POTED: variants seen among roughly 807,000 people sequenced by gnomAD.
The protein encoded by POTED is POTE ankyrin domain family member D.
Under a neutral mutation model 19.0 loss-of-function variants are expected in POTED, and 7 were observed. The observed-to-expected ratio is 0.37, with a 90% CI of 0.21 to 0.69. The LOEUF (loss-of-function observed/expected upper bound fraction) is 0.69, where lower values mean the gene tolerates loss of function less well. POTED is among the 30% of genes least tolerant of loss of function. The pLI is 0.56. For synonymous variants in POTED, 16 were observed against 92.0 expected, an observed-to-expected ratio of 0.17 and a Z score of 4.73; for missense variants, 54 against 278.5, an observed-to-expected ratio of 0.19 and a Z score of 5.74.
chr21:13,619,386 A>T (rs1323748695), intron 4 of POTED, among the ~76,000 whole-genome samples: 1 of 77,034 alleles, frequency 1.3e-5, no homozygotes, highest in Non-Finnish European at 2.3e-5. Context: ...AACCTGCACA[A>T]TGTGCACATG....
In POTED at chr21:13,614,431, AG is replaced by A. The variant is rs1186578454; in HGVS notation, c.522-690del. On this transcript the variant is annotated intron_variant, in intron 1 of 10. Coordinates refer to ENST00000299443, the MANE Select transcript of POTED (RefSeq NM_174981.6). Reference sequence around the variant, plus strand: ...ATTATAACATATTCTACTTAGTATAAGGCACCAGGGATTGTATGATGCCCCA... The same window carrying A: ...ATTATAACATATTCTACTTAGTATAAGCACCAGGGATTGTATGATGCCCCA... 5.0e-5 allele frequency among the ~76,000 whole-genome samples: 4 copies of A among 79,792 alleles called. 2 individuals are homozygous for A. The East Asian group carries it at 3.0e-3, about 60-fold the overall frequency. 52.3% of individuals were successfully genotyped at this position (79,792 alleles called of 152,430 possible). A position where few individuals can be genotyped will look rare whatever the true frequency, so the allele number is the denominator to read the frequency against.
chr21:13,637,291 G>T lies in POTED; in HGVS notation c.1410-2224G>T, dbSNP rs1443520291. Reference sequence around the variant, plus strand: ...CACCACATCCACACCAACATCTGCTGTTTTTTTTATTTTAGTAGTGACCAT... The same window carrying T: ...CACCACATCCACACCAACATCTGCTTTTTTTTTTATTTTAGTAGTGACCAT... On this transcript the variant is annotated intron_variant, in intron 9 of 10. Coordinates refer to ENST00000299443, the MANE Select transcript of POTED (RefSeq NM_174981.6). Among the ~76,000 whole-genome samples, 7 of 71,868 alleles carry T rather than the reference G, an allele frequency of 9.7e-5. 3 individuals carry two copies. Among genetic ancestry groups the T allele is most frequent in the African/African-American group, 7.9e-4 (7 of 8,846 alleles). 47.1% of individuals were successfully genotyped at this position (71,868 alleles called of 152,430 possible).
intron 1 of POTED, among the ~76,000 whole-genome samples, chr21:13,612,777 G>A (rs1191461292): frequency 2.5e-5 from 2 of 81,592 alleles, no homozygotes; most frequent in Non-Finnish European, 4.3e-5. Context: ...ACAAATTTCA[G>A]TGCATCCATA....
At chr21:13,623,742 A>G (rs1467172955) in intron 6 of POTED, among the ~76,000 whole-genome samples, 1 of 23,450 alleles carries the variant, frequency 4.3e-5, no homozygotes, top group Admixed American at 4.7e-4. Context: ...AGCAGATTAT[A>G]ATAAAAGTAG....
Position 13,645,183 on chromosome 21 carries a change from C to T in POTED, c.*3617C>T, listed in dbSNP as rs887023714. Reference sequence around the variant, plus strand: ...GGAAAACACATTTCAGAATATCATTCATGAGAATGTCCCCAACCTAGCCAG... The same window carrying T: ...GGAAAACACATTTCAGAATATCATTTATGAGAATGTCCCCAACCTAGCCAG... On this transcript the variant is annotated 3_prime_UTR_variant, in exon 11 of 11. Coordinates refer to ENST00000299443, the MANE Select transcript of POTED (RefSeq NM_174981.6). 9.8e-5 allele frequency among the ~76,000 whole-genome samples: 13 copies of T among 132,860 alleles called. 1 individual carries two copies. The highest frequency in any genetic ancestry group is 4.4e-4 in the Admixed American group (6 of 13,714). The allele number at this position is 132,860 out of a possible 152,430, so 87.2% of individuals were successfully genotyped here. A position where few individuals can be genotyped will look rare whatever the true frequency, so the allele number is the denominator to read the frequency against.
chr21:13,633,635 C>A, intron 9 of POTED, among the ~76,000 whole-genome samples: 1 of 73,858 alleles, frequency 1.4e-5, no homozygotes, highest in Non-Finnish European at 2.3e-5. Context: ...CAGAGTTTTG[C>A]TCTGTCACCC....
chr21:13,610,926 AGT>A (rs1323356319), intron 1 of POTED, among the ~76,000 whole-genome samples, 177 bp downstream of exon 1: 2 of 81,056 alleles, frequency 2.5e-5, no homozygotes, highest in Non-Finnish European at 4.4e-5. Flanking sequence ...CGACACAAAA[AGT>A]TTTAGCTGAT....
At chr21:13,616,130 TGAA>T in intron 3 of POTED, among the ~76,000 whole-genome samples, 1 of 74,860 alleles carries the variant, frequency 1.3e-5, no homozygotes, top group South Asian at 4.3e-4. Context: ...GAAAAGACCA[TGAA>T]GAGGTTGTGT....
chr21:13,626,239 A>T lies in POTED; in HGVS notation c.1127-2143A>T. Among the ~76,000 whole-genome samples the T allele has an allele frequency of 2.6e-5, 2 of 76,260 alleles. 1 individual carries two copies. 50.0% of individuals were successfully genotyped at this position (76,260 alleles called of 152,430 possible). On this transcript the variant is annotated intron_variant, in intron 6 of 10. Transcript: ENST00000299443. ...ATCTAAATATTGCTGACTCAAACACAGTGTGTTTTTTTTGCTTTATTGTCA... is the reference window on the plus strand; with the variant it reads ...ATCTAAATATTGCTGACTCAAACACTGTGTGTTTTTTTTGCTTTATTGTCA...
In POTED at chr21:13,610,513, G is replaced by T. The variant is rs768536101; in HGVS notation, c.285G>T (p.Arg95Ser). Reference sequence around the variant, plus strand: ...AAAACTCCTTTATGAAGATGCTCAGGAGCAAGATGGGCAAGTGGTGCTGTC... The same window carrying T: ...AAAACTCCTTTATGAAGATGCTCAGTAGCAAGATGGGCAAGTGGTGCTGTC... ...DHENSFMKML[R>S]SKMGKWCCHC... Residue 95 changes from arginine to serine, a missense_variant, in exon 1 of 11, where the codon AGG becomes AGT. This residue lies in a region of POTED where 38 missense variants were observed against 163.8 expected (regional missense o/e 0.23). Transcript: ENST00000299443. 2.8e-6 allele frequency: 3 copies of T among 1,067,078 alleles called. 1 individual carries two copies. Among genetic ancestry groups the T allele is most frequent in the African/African-American group, 1.1e-4 (2 of 17,930 alleles). The allele number at this position is 1,067,078 out of a possible 1,614,324, so 66.1% of individuals were successfully genotyped here.
Position 13,642,516 on chromosome 21 carries a change from C to T in POTED, c.*950C>T, listed in dbSNP as rs1274298360. On this transcript the variant is annotated 3_prime_UTR_variant, in exon 11 of 11. Transcript: ENST00000299443. Reference sequence around the variant, plus strand: ...TAGAGTTTCAGAGTGTCTGAGGAGACCAGGGGCTGAAGTGAACCCCCCGCA... The same window carrying T: ...TAGAGTTTCAGAGTGTCTGAGGAGATCAGGGGCTGAAGTGAACCCCCCGCA... 3.8e-5 allele frequency among the ~76,000 whole-genome samples: 3 copies of T among 79,164 alleles called. 1 individual carries two copies. The highest frequency in any genetic ancestry group is 6.7e-5 in the Non-Finnish European group (3 of 44,768). 51.9% of individuals were successfully genotyped at this position (79,164 alleles called of 152,430 possible).
rs2011281397 is a variant in POTED, at chr21:13,642,581, T to A, written c.*1015T>A. Among the ~76,000 whole-genome samples, 1 of 75,724 alleles carries A rather than the reference T, an allele frequency of 1.3e-5. No individual in the cohort carries two copies. The highest frequency in any genetic ancestry group is 2.3e-5 in the Non-Finnish European group (1 of 43,392). The allele number at this position is 75,724 out of a possible 152,430, so 49.7% of individuals were successfully genotyped here. ...TACAAAAACGTGGCCAGACTTCTTT[T>A]TTAAACAAGTCCCTATTCCTGTTCC... On this transcript the variant is annotated 3_prime_UTR_variant, in exon 11 of 11. Coordinates refer to ENST00000299443, the MANE Select transcript of POTED (RefSeq NM_174981.6).
chr21:13,637,004 A>ATATATATATTT (rs1481200854), intron 9 of POTED, among the ~76,000 whole-genome samples: 1 of 16,470 alleles, frequency 6.1e-5, no homozygotes, highest in Admixed American at 7.4e-4. Flanking sequence ...ATATATATAT[A>ATATATATATTT]TTTTTTTTTT....
Position 13,614,050 on chromosome 21 carries a change from A to G in POTED, c.522-1073A>G, listed in dbSNP as rs1471834754. On this transcript the variant is annotated intron_variant, in intron 1 of 10. Transcript: ENST00000299443. ...CGTTTACCTATGTTAACCAACCTGC[A>G]CATCCTGCACCTGTATCCCCGAATG... Among the ~76,000 whole-genome samples, 5 of 105,376 alleles carry G rather than the reference A, an allele frequency of 4.7e-5. 1 individual carries two copies. Among genetic ancestry groups the G allele is most frequent in the South Asian group, 5.7e-4 (2 of 3,530 alleles). 69.1% of individuals were successfully genotyped at this position (105,376 alleles called of 152,430 possible). A position where few individuals can be genotyped will look rare whatever the true frequency, so the allele number is the denominator to read the frequency against.
intron 1 of POTED, among the ~76,000 whole-genome samples, chr21:13,612,297 C>T (rs2011144079): frequency 1.5e-5 from 1 of 66,280 alleles, no homozygotes; most frequent in Non-Finnish European, 2.5e-5. Context: ...TGGTGAAACC[C>T]GTTTCTACTA....
intron 6 of POTED, among the ~76,000 whole-genome samples, chr21:13,626,767 C>T (rs1334740779): frequency 2.4e-4 from 5 of 20,452 alleles, no homozygotes; most frequent in South Asian, 2.2e-3. Flanking sequence ...GGCATGCTGT[C>T]ACCCTTTCTT....
chr21:13,639,638 G>A lies in POTED; in HGVS notation c.1533G>A (p.Glu511=). The change falls in exon 10 of 11, where the codon GAG becomes GAA. Residue 511 remains glutamate, a splice_region_variant and synonymous_variant. Transcript: ENST00000299443. The stretch of plus-strand genomic sequence containing the variant: ...TGGCTGAACAGAAAATGAATTCTGA[G>A]GTATTTTCTTTAGTCATTTTCAAAT... ...IEVAEQKMNS[E]LSLSHKKEED... 1 of 588,884 alleles carries A rather than the reference G, an allele frequency of 1.7e-6. No individual in the cohort carries two copies. Among genetic ancestry groups the A allele is most frequent in the Non-Finnish European group, 2.3e-6 (1 of 433,396 alleles). 36.5% of individuals were successfully genotyped at this position (588,884 alleles called of 1,614,324 possible). A position where few individuals can be genotyped will look rare whatever the true frequency, so the allele number is the denominator to read the frequency against.
At position 13,617,930 on chromosome 21, in the gene POTED, CAT is replaced by C. The variant is rs1017881458; in HGVS notation, c.811-418_811-417del. Reference sequence around the variant, plus strand: ...CGTTGGAGCTTGAACTTTGGTAAAACATGTGAAACTAAAGAAATATTTTACAT... The same window carrying C: ...CGTTGGAGCTTGAACTTTGGTAAAACGTGAAACTAAAGAAATATTTTACAT... On this transcript the variant is annotated intron_variant, in intron 3 of 10. Transcript: ENST00000299443. Among the ~76,000 whole-genome samples, 5 of 25,708 alleles carry C rather than the reference CAT, an allele frequency of 1.9e-4. 1 individual carries two copies. The highest frequency in any genetic ancestry group is 4.1e-4 in the Admixed American group (1 of 2,442). The allele number at this position is 25,708 out of a possible 152,430, so 16.9% of individuals were successfully genotyped here.
rs1431741696 is a variant in POTED at position 13,629,719 on chromosome 21, AATTTT to A, written c.1198-126_1198-122del. ...ATTTATTTAATTATTTTAACAGTTA[AATTTT>A]ATTTTATTTTCTAATTTTTCATGTC... On this transcript the variant is annotated intron_variant, in intron 7 of 10. Transcript: ENST00000299443. The A allele has an allele frequency of 9.9e-4, 127 of 127,720 alleles. 35 individuals carry two copies. The highest frequency in any genetic ancestry group is 5.0e-3 in the Admixed American group (52 of 10,446). The allele number at this position is 127,720 out of a possible 1,614,324, so 7.9% of individuals were successfully genotyped here. A position where few individuals can be genotyped will look rare whatever the true frequency, so the allele number is the denominator to read the frequency against.
Sources: allele counts gnomAD v4.1 joint callset (sites outside exome capture counted in the v4.1 genomes callset), GRCh38; gene constraint gnomAD v4.1.1; regional missense constraint gnomAD v4.1.1; transcripts MANE v1.5; gene names NCBI Gene and HGNC (gene_info 2026-07-23, HGNC 2026-07-21).